Variants in TRPM3 observed in about 807,000 individuals in gnomAD.
TRPM3 encodes long transient receptor potential channel 3.
In TRPM3, 77 loss-of-function variants were observed where a neutral mutation model predicts 181.2. The ratio of observed to expected loss-of-function variants is 0.42; its 90% confidence interval spans 0.35 to 0.51. TRPM3 has a LOEUF of 0.51. Ranked by LOEUF, TRPM3 falls within the 20% of genes least tolerant of loss-of-function variation. The pLI, the probability that TRPM3 is intolerant of heterozygous loss-of-function variation, is 0.01. For missense variants in TRPM3, 1,759 were observed against 2,196.7 expected (o/e 0.80, Z 3.98); for synonymous variants, 745 against 796.4 (o/e 0.94, Z 1.09).
chr9:71,296,784 G>A (rs1414430230), intron 1 of TRPM3, among the ~76,000 whole-genome samples: 86 of 151,952 alleles, frequency 5.7e-4, no homozygotes, highest in Admixed American at 5.6e-3. Flanking sequence ...ACACTGAGAT[G>A]GTAGCAATAA....
intron 1 of TRPM3, among the ~76,000 whole-genome samples, chr9:70,966,509 C>T (rs991233384): frequency 1.3e-5 from 2 of 151,710 alleles, no homozygotes; most frequent in African/African-American, 4.8e-5. Flanking sequence ...CATAAATGGT[C>T]GACTAGATAA....
Position 71,440,955 on chromosome 9 carries a change from T to A in TRPM3, c.183+5698A>T, listed in dbSNP as rs78939344. On this transcript the variant is annotated intron_variant, in intron 1 of 24. Transcript: ENST00000357533. ...TTGTTTTTAAAGATCTAGTAATTAA[T>A]CGCAGGAGAAGCTGTTCTAATATCT... Among the ~76,000 whole-genome samples the A allele has an allele frequency of 4.8e-3, 734 of 152,300 alleles. 18 individuals are homozygous for A. In the East Asian group the frequency reaches 0.095, roughly 20 times the overall value.
chr9:70,928,660 T>A (rs1383176994), intron 1 of TRPM3, among the ~76,000 whole-genome samples: 1 of 152,126 alleles, frequency 6.6e-6, no homozygotes, highest in Non-Finnish European at 1.5e-5. Context: ...AAAAGAAACA[T>A]CATGACCAAC....
At chr9:70,738,788 C>T (rs34806905) in intron 8 of TRPM3, among the ~76,000 whole-genome samples, 33,063 of 152,016 alleles carry the variant, frequency 0.22, 4,465 homozygotes, top group Non-Finnish European at 0.3. Context: ...AGAAATGAAA[C>T]TGGAGATATT....
chr9:71,105,884 A>G (rs1457292976), intron 1 of TRPM3, among the ~76,000 whole-genome samples: 1 of 152,158 alleles, frequency 6.6e-6, no homozygotes, highest in Non-Finnish European at 1.5e-5. Context: ...TATTAACTGG[A>G]GAAGGTCATT....
chr9:70,970,121 A>T (rs2097226976), intron 1 of TRPM3, among the ~76,000 whole-genome samples: 1 of 152,052 alleles, frequency 6.6e-6, no homozygotes, highest in Admixed American at 6.6e-5. Context: ...AAATTAGCTA[A>T]CCTCTCCAAA....
chr9:70,907,738 C>A (rs963147908), intron 1 of TRPM3, among the ~76,000 whole-genome samples: 1 of 152,144 alleles, frequency 6.6e-6, no homozygotes, highest in East Asian at 1.9e-4. Context: ...TCAGTGTCCA[C>A]TGTTTCCATC....
rs141717671 is a variant in TRPM3 at position 70,690,047 on chromosome 9, T to C, written c.1273-8469A>G. 9.7e-3 allele frequency among the ~76,000 whole-genome samples: 1,471 copies of C among 152,194 alleles called. 22 individuals carry two copies. The highest frequency in any genetic ancestry group is 0.034 in the African/African-American group (1,405 of 41,538). ...TATGTATGCCACGGTGAGCAATGAATCCATGAAAATAGAGATGAAGATGTA... is the reference window on the plus strand; with the variant it reads ...TATGTATGCCACGGTGAGCAATGAACCCATGAAAATAGAGATGAAGATGTA... On this transcript the variant is annotated intron_variant, in intron 8 of 25. Transcript: ENST00000677713.
intron 1 of TRPM3, among the ~76,000 whole-genome samples, chr9:71,035,976 C>G (rs1590858828): frequency 8.0e-6 from 1 of 125,244 alleles, no homozygotes; most frequent in Non-Finnish European, 1.6e-5. Context: ...GTGATGCAAA[C>G]ATAGGCTTTT....
intron 1 of TRPM3, among the ~76,000 whole-genome samples, chr9:71,356,892 C>G (rs1284418724): frequency 6.6e-6 from 1 of 152,088 alleles, no homozygotes; most frequent in East Asian, 1.9e-4. Flanking sequence ...TCCTATTCCC[C>G]AAGGCCCTTA....
chr9:70,615,012 A>G (rs188167436), intron 18 of TRPM3, among the ~76,000 whole-genome samples: 1 of 152,362 alleles, frequency 6.6e-6, no homozygotes, highest in East Asian at 1.9e-4. Flanking sequence ...CTGCAAATAG[A>G]TCTTTAGGAG....
chr9:70,800,674 C>T (rs2088693798), intron 6 of TRPM3, among the ~76,000 whole-genome samples: 1 of 152,038 alleles, frequency 6.6e-6, no homozygotes, highest in African/African-American at 2.4e-5. Flanking sequence ...TTTCCTCTTC[C>T]TTATTATTTT....
At position 70,779,324 on chromosome 9, in the gene TRPM3, G is replaced by A. The variant is rs565323084; in HGVS notation, c.1148+4781C>T. Among the ~76,000 whole-genome samples the A allele has an allele frequency of 2.4e-4, 37 of 152,200 alleles. No homozygotes were observed. In the South Asian group the frequency reaches 7.7e-3, roughly 32 times the overall value. On this transcript the variant is annotated intron_variant, in intron 7 of 25. Transcript: ENST00000677713. ...CTGCTACCAGAAAGCTCTGCTTTTTGTCCTAAAGTATCTAAAAATGGTAAA... is the reference window on the plus strand; with the variant it reads ...CTGCTACCAGAAAGCTCTGCTTTTTATCCTAAAGTATCTAAAAATGGTAAA...
In TRPM3 at chr9:70,536,091, C is replaced by A. The variant is rs772014722; in HGVS notation, c.5022G>T (p.Arg1674Ser). Residue 1674 changes from arginine to serine, a missense_variant, in exon 26 of 26, where the codon AGG (arginine) becomes AGT (serine). Arg to Ser is a moderately radical substitution (Grantham distance 110, BLOSUM62 -1). This residue lies in a region of TRPM3 where 612 missense variants were observed against 590.0 expected (regional missense o/e 1.04). Transcript: ENST00000677713. The stretch of plus-strand genomic sequence containing the variant: ...TTCGCAGGCTTGCTGTGTTCCGCTG[C>A]CTGTCGAGTTTGTCACTGATGGAGA... ...KSFSISDKLDRQRNTASLRNP... is the reference protein window; with the variant it reads ...KSFSISDKLDSQRNTASLRNP... The A allele has an allele frequency of 8.1e-6, 13 of 1,614,206 alleles. No individual in the cohort carries two copies. In the South Asian group the frequency reaches 1.4e-4, roughly 18 times the overall value.
chr9:70,600,941 C>T (rs974715965), intron 20 of TRPM3, among the ~76,000 whole-genome samples: 4 of 152,064 alleles, frequency 2.6e-5, no homozygotes, highest in Admixed American at 6.6e-5. Context: ...CAGAACAGTC[C>T]GGGGTGAGGC....
rs186083726 is a variant in TRPM3, at chr9:71,344,473, C to T, written c.183+102180G>A. Among the ~76,000 whole-genome samples, 146 of 151,588 alleles carry T rather than the reference C, an allele frequency of 9.6e-4. 1 individual carries two copies. Among genetic ancestry groups the T allele is most frequent in the South Asian group, 6.0e-3 (29 of 4,804 alleles). On this transcript the variant is annotated intron_variant, in intron 1 of 24. Coordinates refer to the TRPM3 transcript ENST00000357533. ...CTCAAAAAAAAAAAATTAACTGGAG[C>T]GAGAAACATCAATGGATACTAAATC...
intron 6 of TRPM3, among the ~76,000 whole-genome samples, chr9:70,795,262 C>A (rs1246631921): frequency 1.3e-5 from 2 of 152,142 alleles, no homozygotes; most frequent in Admixed American, 6.5e-5. Context: ...ATATAATTCA[C>A]AAAACTGTTT....
At chr9:71,409,738 C>T (rs1409216684) in intron 1 of TRPM3, among the ~76,000 whole-genome samples, 1 of 152,160 alleles carries the variant, frequency 6.6e-6, no homozygotes, top group Non-Finnish European at 1.5e-5. Context: ...GACTTGAACT[C>T]AGCTCTATAC....
intron 3 of TRPM3, among the ~76,000 whole-genome samples, chr9:70,850,781 G>C (rs563639652): frequency 1.3e-5 from 2 of 152,266 alleles, no homozygotes; most frequent in South Asian, 4.1e-4. Flanking sequence ...GGACTTGCAA[G>C]GCTTCCAAAC....
Sources: allele counts gnomAD v4.1 joint callset (sites outside exome capture counted in the v4.1 genomes callset), GRCh38; gene constraint gnomAD v4.1.1; regional missense constraint gnomAD v4.1.1; transcripts MANE v1.5; gene names NCBI Gene and HGNC (gene_info 2026-07-23, HGNC 2026-07-21).